The following ADGRG7 variants were observed in gnomAD, a reference collection of about 807,000 sequenced individuals.
The protein encoded by ADGRG7 is adhesion G protein-coupled receptor G7, also known as G-protein coupled receptor 128.
A neutral mutation model predicts 88.6 loss-of-function variants in ADGRG7; 82 were observed. The observed-to-expected ratio is 0.93, with a 90% confidence interval of 0.77 to 1.11. The LOEUF (loss-of-function observed/expected upper bound fraction) is 1.11. Ranked by LOEUF, ADGRG7 falls within the 50% of genes most tolerant of loss-of-function variation. The pLI is 0.00. For synonymous variants in ADGRG7, 381 were observed against 345.2 expected (o/e 1.10, Z -1.15); for missense variants, 945 against 953.4 (o/e 0.99, Z 0.12).
Position 100,648,427 on chromosome 3 carries a change from T to A in ADGRG7, c.1267-1268T>A, listed in dbSNP as rs192226796. On this transcript the variant is annotated intron_variant, in intron 10 of 15. Transcript: ENST00000273352. ...AGTACACTACGTATAAGAAATAACA[T>A]AAAATTTTTGTTTTATTTTTAAATG... 3.5e-3 allele frequency among the ~76,000 whole-genome samples: 527 copies of A among 152,312 alleles called. 5 individuals carry two copies. Among genetic ancestry groups the A allele is most frequent in the Non-Finnish European group, 5.1e-3 (350 of 68,010 alleles).
At chr3:100,629,447 A>AGCCG in intron 1 of ADGRG7, 151 bp from the exon 2 acceptor site, 1 of 541,110 alleles carries the variant, frequency 1.8e-6, no homozygotes, top group Non-Finnish European at 3.4e-6. Flanking sequence ...TTCTCAGTGT[A>AGCCG]TATTTTATTA....
chr3:100,682,824 G>T (rs138364345), intron 15 of ADGRG7, among the ~76,000 whole-genome samples: 101 of 152,302 alleles, frequency 6.6e-4, no homozygotes, highest in African/African-American at 2.1e-3. Flanking sequence ...CAGTTGGCCG[G>T]GTGGGAGCTC....
intron 14 of ADGRG7, among the ~76,000 whole-genome samples, chr3:100,666,373 T>C (rs1210204828): frequency 6.6e-6 from 1 of 152,136 alleles, no homozygotes; most frequent in African/African-American, 2.4e-5. Context: ...AAGATAATAG[T>C]GGGGAGAGGG....
At chr3:100,633,508 C>T (rs1352293522) in intron 4 of ADGRG7, 131 bp downstream of exon 4, 2 of 449,678 alleles carry the variant, frequency 4.4e-6, no homozygotes, top group African/African-American at 2.0e-5. Flanking sequence ...AAACTAGTGA[C>T]TAAAGCCACT....
chr3:100,665,013 G>A (rs2094950029), intron 14 of ADGRG7: 3 of 445,962 alleles, frequency 6.7e-6, no homozygotes, highest in South Asian at 5.1e-5. Context: ...GTATGGTAGG[G>A]CAATACATAA....
chr3:100,677,824 T>C (rs1281360929), intron 15 of ADGRG7, among the ~76,000 whole-genome samples: 1 of 152,208 alleles, frequency 6.6e-6, no homozygotes, highest in Admixed American at 6.5e-5. Context: ...ATTATTTGTT[T>C]ATTTTCTCTT....
intron 14 of ADGRG7, among the ~76,000 whole-genome samples, chr3:100,660,783 T>C (rs1173075795): frequency 6.6e-6 from 1 of 151,858 alleles, no homozygotes; most frequent in Non-Finnish European, 1.5e-5. Flanking sequence ...AGAAACCCCA[T>C]CTTTACTAAA....
At position 100,624,255 on chromosome 3, in the gene ADGRG7, T is replaced by C. The variant is rs142581910; in HGVS notation, c.116-5343T>C. ...TCTGACTGGTGTGAAATGATATCTC[T>C]TTGCGGTTTTGATTTGCATTTCTGT... is the stretch of plus-strand genomic sequence containing the variant. On this transcript the variant is annotated intron_variant, in intron 1 of 15. Coordinates refer to ENST00000273352, the MANE Select transcript of ADGRG7 (RefSeq NM_032787.3). Among the ~76,000 whole-genome samples, 443 of 152,320 alleles carry C rather than the reference T, an allele frequency of 2.9e-3. 6 individuals carry two copies. Among genetic ancestry groups the C allele is most frequent in the Admixed American group, 0.017 (257 of 15,292 alleles).
chr3:100,657,326 G>A (rs959272355), intron 13 of ADGRG7, among the ~76,000 whole-genome samples: 2 of 152,168 alleles, frequency 1.3e-5, no homozygotes, highest in African/African-American at 4.8e-5. Flanking sequence ...GTTTTCCTGA[G>A]TTATTCTCCT....
intron 15 of ADGRG7, among the ~76,000 whole-genome samples, chr3:100,675,209 T>A (rs1339346943): frequency 6.6e-6 from 1 of 152,216 alleles, no homozygotes; most frequent in Non-Finnish European, 1.5e-5. Context: ...TTTTTCCCAT[T>A]CAGCATGATA....
intron 3 of ADGRG7, among the ~76,000 whole-genome samples, chr3:100,632,559 C>T (rs1707472219): frequency 6.6e-6 from 1 of 152,088 alleles, no homozygotes; most frequent in African/African-American, 2.4e-5. Context: ...TTCATTATGT[C>T]ATGGTGTAGA....
intron 1 of ADGRG7, among the ~76,000 whole-genome samples, chr3:100,626,869 C>T (rs1179314672): frequency 1.3e-5 from 2 of 152,144 alleles, no homozygotes. Context: ...ATTTTTGATG[C>T]TATTTTAAAT....
chr3:100,642,926 G>A (rs1294729130), intron 6 of ADGRG7, among the ~76,000 whole-genome samples: 2 of 152,198 alleles, frequency 1.3e-5, no homozygotes, highest in Non-Finnish European at 1.5e-5. Flanking sequence ...AGAAGTGCAT[G>A]CCTTGCCAAT....
chr3:100,650,621 T>C (rs1470346449), intron 11 of ADGRG7, among the ~76,000 whole-genome samples: 1 of 152,220 alleles, frequency 6.6e-6, no homozygotes, highest in African/African-American at 2.4e-5. Context: ...TTTTTTTTAG[T>C]GTGACACAAC....
intron 14 of ADGRG7, chr3:100,665,261 A>ATAACTATACACAATGAAACGAGGTTGTC: frequency 1.8e-6 from 1 of 540,592 alleles, no homozygotes; most frequent in Non-Finnish European, 3.8e-6. Flanking sequence ...GTTGATATTT[A>ATAACTATACACAATGAAACGAGGTTGTC]TAACTATACA....
chr3:100,613,835 C>A (rs1332502698), intron 1 of ADGRG7, among the ~76,000 whole-genome samples: 1 of 152,060 alleles, frequency 6.6e-6, no homozygotes. Context: ...AAAATGGACA[C>A]TTGAGAGTAT....
intron 1 of ADGRG7, among the ~76,000 whole-genome samples, chr3:100,618,409 G>A (rs1404387667): frequency 6.6e-6 from 1 of 152,096 alleles, no homozygotes; most frequent in African/African-American, 2.4e-5. Flanking sequence ...TATAAGCAAG[G>A]GATCTAGTTT....
At chr3:100,620,704 A>ATCTG (rs1329339553) in intron 1 of ADGRG7, among the ~76,000 whole-genome samples, 1 of 152,246 alleles carries the variant, frequency 6.6e-6, no homozygotes, top group East Asian at 1.9e-4. Context: ...ACACTGGAGA[A>ATCTG]TCTGTCCCTC....
intron 1 of ADGRG7, among the ~76,000 whole-genome samples, chr3:100,620,165 T>C (rs1196684817): frequency 6.6e-6 from 1 of 152,130 alleles, no homozygotes; most frequent in Non-Finnish European, 1.5e-5. Flanking sequence ...CTCAGTAGAA[T>C]ACTGGCAAAC....
Sources: allele counts gnomAD v4.1 joint callset (sites outside exome capture counted in the v4.1 genomes callset), GRCh38; gene constraint gnomAD v4.1.1; transcripts MANE v1.5; gene names NCBI Gene and HGNC (gene_info 2026-07-23, HGNC 2026-07-21).